Variants in LRRC69 observed in about 807,000 individuals in gnomAD.
LRRC69 encodes leucine-rich repeat-containing protein 69.
Under a neutral mutation model 37.8 loss-of-function variants are expected in LRRC69, and 42 were observed. The ratio of observed to expected loss-of-function variants is 1.11; its 90% CI spans 0.87 to 1.44. The LOEUF is 1.44. LRRC69 is among the 40% of genes most tolerant of loss of function. LRRC69 has a pLI of 0.00. For synonymous variants in LRRC69, 141 were observed against 143.1 expected, an observed-to-expected ratio of 0.99 and a Z score of 0.11; for missense variants, 357 against 401.9, an observed-to-expected ratio of 0.89 and a Z score of 0.96.
chr8:91,179,340 G>A (rs922384895), intron 5 of LRRC69, among the ~76,000 whole-genome samples: 10 of 152,140 alleles, frequency 6.6e-5, no homozygotes, highest in Non-Finnish European at 1.2e-4. Flanking sequence ...GAGAGAGAGA[G>A]CAAGAGGGAA....
At chr8:91,165,295 AG>A (rs1189965139) in intron 5 of LRRC69, among the ~76,000 whole-genome samples, 1 of 151,670 alleles carries the variant, frequency 6.6e-6, no homozygotes, top group African/African-American at 2.4e-5. Flanking sequence ...CAGAGCTGAA[AG>A]TCAAGGAAAT....
At chr8:91,210,300 C>T (rs1439936890) in intron 7 of LRRC69, among the ~76,000 whole-genome samples, 1 of 152,110 alleles carries the variant, frequency 6.6e-6, no homozygotes, top group Non-Finnish European at 1.5e-5. Context: ...CCTGATACCA[C>T]CTTCTGTCTC....
intron 1 of LRRC69, among the ~76,000 whole-genome samples, chr8:91,113,389 T>G (rs1303604518): frequency 6.6e-6 from 1 of 151,950 alleles, no homozygotes; most frequent in Non-Finnish European, 1.5e-5. Context: ...TGGGACAGAA[T>G]AGAGAGCCCA....
intron 1 of LRRC69, among the ~76,000 whole-genome samples, chr8:91,113,382 G>A (rs765150247): frequency 1.3e-5 from 2 of 151,934 alleles, no homozygotes; most frequent in African/African-American, 2.4e-5. Flanking sequence ...AGACCAATGG[G>A]ACAGAATAGA....
chr8:91,115,440 T>A (rs548164011), intron 1 of LRRC69, among the ~76,000 whole-genome samples: 2 of 152,096 alleles, frequency 1.3e-5, no homozygotes, highest in African/African-American at 4.8e-5. Flanking sequence ...CCAGCACTGG[T>A]GGATTTTTGT....
chr8:91,103,269 G>A (rs1813252266), intron 1 of LRRC69, among the ~76,000 whole-genome samples: 1 of 152,126 alleles, frequency 6.6e-6, no homozygotes, highest in Non-Finnish European at 1.5e-5. Flanking sequence ...CATTTAGGAT[G>A]CAGCAAGGGA....
At chr8:91,152,231 G>A (rs10094031) in intron 5 of LRRC69, among the ~76,000 whole-genome samples, 8,233 of 151,580 alleles carry the variant, frequency 0.054, 302 homozygotes, top group African/African-American at 0.093. Context: ...GAGTAGTATT[G>A]CCTGCGTTTT....
intron 3 of LRRC69, among the ~76,000 whole-genome samples, chr8:91,129,970 A>AACTATTCAATGCATTTTGT (rs1241397583): frequency 6.6e-6 from 1 of 152,036 alleles, no homozygotes; most frequent in Non-Finnish European, 1.5e-5. Context: ...AATTACATAA[A>AACTATTCAATGCATTTTGT]ACTATTCAAT....
At chr8:91,116,468 A>G (rs1027126952) in intron 1 of LRRC69, among the ~76,000 whole-genome samples, 3 of 151,990 alleles carry the variant, frequency 2.0e-5, no homozygotes, top group Non-Finnish European at 4.4e-5. Flanking sequence ...ATTTAAAATG[A>G]GAATTTCATG....
exon 6 of LRRC69, chr8:91,189,544 A>G: frequency 6.4e-7 from 1 of 1,550,848 alleles, no homozygotes; most frequent in Non-Finnish European, 8.7e-7. Flanking sequence ...AAGCTGAGGG[A>G]ATTCTACTGT....
intron 5 of LRRC69, among the ~76,000 whole-genome samples, chr8:91,142,544 A>C (rs1384061249): frequency 2.0e-5 from 3 of 151,986 alleles, no homozygotes; most frequent in Admixed American, 6.6e-5. Flanking sequence ...GTGACCCTCA[A>C]ACTTGAATGT....
intron 5 of LRRC69, among the ~76,000 whole-genome samples, chr8:91,150,187 T>C (rs1019112885): frequency 2.0e-5 from 3 of 151,876 alleles, no homozygotes; most frequent in African/African-American, 7.2e-5. Flanking sequence ...ATGCTTCCAG[T>C]TTTTGCCCAT....
chr8:91,153,954 T>C (rs1489185351), intron 5 of LRRC69, among the ~76,000 whole-genome samples: 2 of 151,576 alleles, frequency 1.3e-5, no homozygotes, highest in Non-Finnish European at 2.9e-5. Context: ...ATTAATAAAA[T>C]AGATAGACTG....
At chr8:91,117,559 CTTTTTTTTT>C (rs35003763) in intron 1 of LRRC69, among the ~76,000 whole-genome samples, 5 of 115,146 alleles carry the variant, frequency 4.3e-5, no homozygotes, top group African/African-American at 1.7e-4. Flanking sequence ...ACAAGATCCA[CTTTTTTTTT>C]TTTTTTTTTT....
At chr8:91,109,103 A>G (rs75824447) in intron 1 of LRRC69, among the ~76,000 whole-genome samples, 1 of 152,044 alleles carries the variant, frequency 6.6e-6, no homozygotes, top group Non-Finnish European at 1.5e-5. Context: ...GGGATTCATT[A>G]TCCTGTTTTG....
chr8:91,212,458 A>G (rs775336520), intron 7 of LRRC69, among the ~76,000 whole-genome samples: 9 of 152,186 alleles, frequency 5.9e-5, no homozygotes, highest in South Asian at 2.1e-4. Context: ...AAGAGATTAG[A>G]CTGCGTAGGT....
intron 1 of LRRC69, among the ~76,000 whole-genome samples, chr8:91,122,430 C>T (rs1201661988): frequency 6.6e-6 from 1 of 152,078 alleles, no homozygotes; most frequent in Non-Finnish European, 1.5e-5. Flanking sequence ...AAAAAAAACT[C>T]ATTGTTCCTG....
chr8:91,218,128 A>G (rs1382937095), intron 7 of LRRC69, among the ~76,000 whole-genome samples: 2 of 152,182 alleles, frequency 1.3e-5, no homozygotes, highest in East Asian at 3.9e-4. Flanking sequence ...GTGTTGGCCA[A>G]ATGGTTTCAT....
intron 5 of LRRC69, among the ~76,000 whole-genome samples, chr8:91,151,504 A>C (rs997006110): frequency 1.2e-4 from 18 of 151,694 alleles, no homozygotes; most frequent in African/African-American, 4.3e-4. Flanking sequence ...CTTTACTTCC[A>C]ACTATGTATG....
Sources: allele counts gnomAD v4.1 joint callset (sites outside exome capture counted in the v4.1 genomes callset), GRCh38; gene constraint gnomAD v4.1.1; transcripts MANE v1.5; gene names NCBI Gene and HGNC (gene_info 2026-07-23, HGNC 2026-07-21).